ARID1A: variants seen among roughly 807,000 people sequenced by gnomAD.
The protein encoded by ARID1A is AT-rich interaction domain 1A.
A neutral mutation model predicts 212.6 loss-of-function variants in ARID1A; 20 were observed. The ratio of observed to expected loss-of-function variants is 0.09; its 90% confidence interval spans 0.07 to 0.14. The LOEUF (loss-of-function observed/expected upper bound fraction) is 0.14, where lower values mean the gene tolerates loss of function less well. Ranked by LOEUF, ARID1A falls within the 10% of genes least tolerant of loss-of-function variation. The probability of loss-of-function intolerance (pLI) is 1.00; values close to 1 mark genes in which losing one functional copy is unlikely to be tolerated. For synonymous variants in ARID1A, 1,376 were observed against 1,222.1 expected (o/e 1.13, Z -2.63); for missense variants, 2,587 against 3,059.0 (o/e 0.85, Z 3.64).
At chr1:26,703,776 T>G (rs1374589500) in intron 1 of ARID1A, among the ~76,000 whole-genome samples, 1 of 152,322 alleles carries the variant, frequency 6.6e-6, no homozygotes, top group East Asian at 1.9e-4. Context: ...CCTATGTGAT[T>G]ACACCAGCTA....
intron 4 of ARID1A, among the ~76,000 whole-genome samples, chr1:26,751,164 A>T (rs1473973571): frequency 1.4e-4 from 22 of 151,994 alleles, no homozygotes; most frequent in Admixed American, 1.4e-3. Context: ...CTGAGGCAGG[A>T]GAATCACTAG....
chr1:26,718,218 A>G (rs1570563309), intron 1 of ARID1A, among the ~76,000 whole-genome samples: 1 of 152,180 alleles, frequency 6.6e-6, no homozygotes, highest in East Asian at 1.9e-4. Context: ...CAGGTGATCC[A>G]CCTGCCTCCG....
Position 26,766,322 on chromosome 1 carries a change from G to T in ARID1A, c.2834G>T (p.Gly945Val), listed in dbSNP as rs2124080135. Reference sequence around the variant, plus strand: ...ATGGCTGGCATGATCAACCCTCAGGGACCCCCATATTCCATGGGTGGAACC... The same window carrying T: ...ATGGCTGGCATGATCAACCCTCAGGTACCCCCATATTCCATGGGTGGAACC... ...NSMAGMINPQ[G>V]PPYSMGGTMA... Residue 945 changes from glycine to valine, a missense_variant, in exon 9 of 20, where the codon GGA (glycine) becomes GTA (valine). Transcript: ENST00000324856. The T allele has an allele frequency of 6.2e-7, 1 of 1,614,180 alleles. No individual in the cohort carries two copies. Among genetic ancestry groups the T allele is most frequent in the Non-Finnish European group, 8.5e-7 (1 of 1,180,036 alleles).
chr1:26,709,553 T>A (rs2080429272), intron 1 of ARID1A, among the ~76,000 whole-genome samples: 1 of 152,060 alleles, frequency 6.6e-6, no homozygotes, highest in African/African-American at 2.4e-5. Context: ...AATTGAGTGG[T>A]TAAAGCTAGT....
intron 4 of ARID1A, among the ~76,000 whole-genome samples, chr1:26,756,878 A>AT (rs1343495262): frequency 6.6e-6 from 1 of 151,338 alleles, no homozygotes; most frequent in Non-Finnish European, 1.5e-5. Flanking sequence ...AATTTTTTGT[A>AT]TTTTTAGTAA....
chr1:26,743,661 T>C (rs1365188799), intron 4 of ARID1A, among the ~76,000 whole-genome samples: 1 of 151,512 alleles, frequency 6.6e-6, no homozygotes, highest in Non-Finnish European at 1.5e-5. Flanking sequence ...GGCGAAACCC[T>C]GTCTCTACTA....
intron 4 of ARID1A, among the ~76,000 whole-genome samples, chr1:26,743,222 G>T (rs2080804822): frequency 6.6e-6 from 1 of 152,058 alleles, no homozygotes; most frequent in Non-Finnish European, 1.5e-5. Flanking sequence ...CACAATTCCT[G>T]GTCCTCTTGA....
In ARID1A at chr1:26,696,214, C is replaced by T. The variant is rs2080248997; in HGVS notation, c.-190C>T. 2.5e-6 allele frequency: 2 copies of T among 813,890 alleles called. No individual in the cohort carries two copies. Among genetic ancestry groups the T allele is most frequent in the Non-Finnish European group, 3.2e-6 (2 of 629,260 alleles). 50.4% of individuals were successfully genotyped at this position (813,890 alleles called of 1,614,324 possible). A position where few individuals can be genotyped will look rare whatever the true frequency, so the allele number is the denominator to read the frequency against. Reference sequence around the variant, plus strand: ...CCGCCGCCTCCTCCTCCTCCGCCGCCGCCAGCCCGGAGCCTGAGCCGGCGG... The same window carrying T: ...CCGCCGCCTCCTCCTCCTCCGCCGCTGCCAGCCCGGAGCCTGAGCCGGCGG... On this transcript the variant is annotated 5_prime_UTR_variant, in exon 1 of 20. Coordinates refer to ENST00000324856, the MANE Select transcript of ARID1A (RefSeq NM_006015.6).
chr1:26,778,119 G>A (rs11802776), intron 19 of ARID1A: 26,001 of 150,068 alleles, frequency 0.17, 2,687 homozygotes, highest in South Asian at 0.26. Context: ...ACACTAGCCC[G>A]ATGTGGTGGC....
intron 1 of ARID1A, among the ~76,000 whole-genome samples, chr1:26,714,848 T>A (rs1182989248): frequency 2.0e-5 from 3 of 152,194 alleles, no homozygotes; most frequent in Non-Finnish European, 4.4e-5. Context: ...AAGGCAGCCC[T>A]AGGAATTAAT....
At chr1:26,764,305 T>TTTG (rs2081019891) in intron 8 of ARID1A, 1 of 151,688 alleles carries the variant, frequency 6.6e-6, no homozygotes, top group Non-Finnish European at 1.5e-5. Flanking sequence ...TCTCAGTGTG[T>TTTG]TGCCAGGGCT....
intron 1 of ARID1A, among the ~76,000 whole-genome samples, chr1:26,704,190 C>T (rs1016616822): frequency 1.3e-5 from 2 of 152,118 alleles, no homozygotes; most frequent in Admixed American, 6.5e-5. Context: ...AGAGTGGTTC[C>T]AGGGTCTTAG....
rs990194975 is a variant in ARID1A, at chr1:26,762,232, G to A, written c.2332G>A (p.Gly778Arg). The A allele has an allele frequency of 6.8e-6, 11 of 1,614,020 alleles. No homozygotes were observed. Among genetic ancestry groups the A allele is most frequent in the Non-Finnish European group, 8.5e-6 (10 of 1,180,032 alleles). The change falls in exon 7 of 20, where the codon GGA (glycine) becomes AGA (arginine). Residue 778 changes from glycine (G) to arginine (R), a missense_variant. Gly to Arg is a moderately radical substitution (Grantham distance 125, BLOSUM62 -2). This residue lies in a region of ARID1A where 674 missense variants were observed against 813.4 expected (regional missense o/e 0.83). Transcript: ENST00000324856. ...GSALSPRQPSGGQIHTGMGSY... is the reference protein window; with the variant it reads ...GSALSPRQPSRGQIHTGMGSY... The stretch of plus-strand genomic sequence containing the variant: ...AGCCTTATCTCCGCGTCAGCCTTCC[G>A]GAGGACAGATACACACAGGCATGGG...
intron 14 of ARID1A, 112 bp downstream of exon 14, chr1:26,773,099 T>TG (rs780607585): frequency 1.6e-5 from 22 of 1,416,372 alleles, no homozygotes; most frequent in Non-Finnish European, 1.9e-5. Context: ...TCTGAGATAA[T>TG]GCATTTCCTG....
intron 1 of ARID1A, among the ~76,000 whole-genome samples, chr1:26,713,434 C>G (rs2080472436): frequency 1.4e-5 from 2 of 147,324 alleles, no homozygotes; most frequent in African/African-American, 2.5e-5. Flanking sequence ...TCTTGGCTTT[C>G]TGCAACTTCT....
Position 26,762,963 on chromosome 1 carries a change from C to A in ARID1A, c.2420-10C>A, listed in dbSNP as rs765540411. The stretch of plus-strand genomic sequence containing the variant: ...GTGACTAACCAAGTCTTGTCTTCCT[C>A]CCCTCCCAGGTGGCTACCCCAGGCA... On this transcript the variant is annotated splice_polypyrimidine_tract_variant and intron_variant, in intron 7 of 19. Transcript: ENST00000324856. 182 of 1,570,672 alleles carry A rather than the reference C, an allele frequency of 1.2e-4. No homozygotes were observed. Among genetic ancestry groups the A allele is most frequent in the Non-Finnish European group, 1.6e-4 (179 of 1,150,252 alleles).
Position 26,760,887 on chromosome 1 carries a change from T to C in ARID1A, c.1952T>C (p.Met651Thr), listed in dbSNP as rs756561081. The C allele has an allele frequency of 2.5e-6, 4 of 1,613,788 alleles. No individual in the cohort carries two copies. The highest frequency in any genetic ancestry group is 1.7e-5 in the Admixed American group (1 of 59,998). Residue 651 changes from methionine (M) to threonine (T), a missense_variant, in exon 5 of 20, where the codon ATG (methionine) becomes ACG (threonine). This residue lies in a region of ARID1A where 674 missense variants were observed against 813.4 expected (regional missense o/e 0.83). Transcript: ENST00000324856. ...DLSGSIDDLP[M>T]GTEGALSPGV... The stretch of plus-strand genomic sequence containing the variant: ...TCTGGTTCAATAGATGACCTCCCCA[T>C]GGGGACAGAAGGAGCTCTGAGTCCT...
At chr1:26,703,845 T>C (rs536795890) in intron 1 of ARID1A, among the ~76,000 whole-genome samples, 1 of 152,326 alleles carries the variant, frequency 6.6e-6, no homozygotes, top group African/African-American at 2.4e-5. Flanking sequence ...CATTTAGTTT[T>C]CTTAGGAAAG....
chr1:26,775,840 C>T (rs1161336812), intron 19 of ARID1A, 133 bp downstream of exon 19: 2 of 1,366,254 alleles, frequency 1.5e-6, no homozygotes, highest in South Asian at 1.2e-5. Context: ...CAGTACTTTG[C>T]TTCCTTTGCC....
Sources: gnomAD v4.1 joint callset for allele counts (sites outside exome capture counted in the v4.1 genomes callset) on GRCh38, gnomAD v4.1.1 for gene constraint, gnomAD v4.1.1 regional missense constraint, MANE v1.5 for transcripts, NCBI Gene and HGNC (gene_info 2026-07-23, HGNC 2026-07-21) for gene names.